The following AGL variants were observed in gnomAD, a reference collection of about 807,000 sequenced individuals.
AGL encodes the protein glycogen debranching enzyme.
AGL carries 128 observed loss-of-function variants against 199.3 expected under a neutral mutation model. The ratio of observed to expected loss-of-function variants is 0.64; its 90% CI spans 0.56 to 0.74. The LOEUF is 0.74. Ranked by LOEUF, AGL falls within the 30% of genes least tolerant of loss-of-function variation. AGL has a pLI of 0.00. For synonymous variants in AGL, 584 were observed against 594.7 expected, an observed-to-expected ratio of 0.98 and a Z score of 0.26; for missense variants, 1,809 against 1,820.8, an observed-to-expected ratio of 0.99 and a Z score of 0.12.
chr1:99,905,277 A>C (rs542508), intron 27 of AGL, among the ~76,000 whole-genome samples: 7,940 of 152,182 alleles, frequency 0.052, 258 homozygotes, highest in African/African-American at 0.08. Flanking sequence ...GCTCACTGCA[A>C]TCTCTGCCTC....
chr1:99,906,082 C>A (rs1216467465), intron 27 of AGL, among the ~76,000 whole-genome samples: 2 of 152,138 alleles, frequency 1.3e-5, no homozygotes, highest in Admixed American at 1.3e-4. Context: ...CAACCATCAT[C>A]ACTGTCCATC....
chr1:99,852,584 C>T (rs1399275352), intron 2 of AGL: 2 of 694,834 alleles, frequency 2.9e-6, no homozygotes, highest in South Asian at 3.0e-5. Context: ...CTATGTTGCC[C>T]AGGTTGATAT....
chr1:99,859,931 A>G (rs1304926091), intron 2 of AGL, among the ~76,000 whole-genome samples: 1 of 152,238 alleles, frequency 6.6e-6, no homozygotes, highest in African/African-American at 2.4e-5. Context: ...GCCAATCATT[A>G]GATATTTAGG....
chr1:99,861,532 A>T lies in AGL; in HGVS notation c.112A>T (p.Thr38Ser), dbSNP rs35278779. The T allele has an allele frequency of 1.9e-6, 3 of 1,614,010 alleles. No individual in the cohort carries two copies. The highest frequency in any genetic ancestry group is 2.5e-6 in the Non-Finnish European group (3 of 1,179,952). ...GYELQFRLGP[T>S]LQGKAVTVYT... ...TGAGCTACAGTTCCGATTAGGCCCA[A>T]CTTTACAGGGAAAAGCAGTTACCGT... is the stretch of plus-strand genomic sequence containing the variant. The change falls in exon 3 of 34, where the codon ACT (threonine) becomes TCT (serine). Residue 38 changes from threonine (T) to serine (S), a missense_variant. Transcript: ENST00000361915.
intron 27 of AGL, among the ~76,000 whole-genome samples, chr1:99,905,372 TTTGTTG>T (rs150259594): frequency 0.15 from 22,342 of 150,936 alleles, 1,684 homozygotes; most frequent in Middle Eastern, 0.17. Context: ...ATTTTTTGTA[TTTGTTG>T]TTGTTGTTGT....
chr1:99,891,411 A>G, intron 22 of AGL, 55 bp downstream of exon 22: 1 of 1,581,760 alleles, frequency 6.3e-7, no homozygotes, highest in Admixed American at 1.7e-5. Flanking sequence ...AATAAATATT[A>G]CCATGTTATA....
intron 5 of AGL, among the ~76,000 whole-genome samples, chr1:99,867,561 T>TC (rs1650625861): frequency 6.6e-6 from 1 of 151,596 alleles, no homozygotes; most frequent in African/African-American, 2.4e-5. Flanking sequence ...TTTTTTTTTC[T>TC]CTTTTTTTTT....
At chr1:99,867,935 A>G (rs1422141150) in intron 5 of AGL, among the ~76,000 whole-genome samples, 3 of 152,186 alleles carry the variant, frequency 2.0e-5, no homozygotes, top group Non-Finnish European at 4.4e-5. Context: ...GGCCAAGAAC[A>G]CTGGGAACCC....
chr1:99,900,968 A>T, intron 26 of AGL, 107 bp downstream of exon 26: 1 of 1,046,440 alleles, frequency 9.6e-7, no homozygotes. Context: ...AAATCTTACG[A>T]ATTATTCAAA....
intron 21 of AGL, among the ~76,000 whole-genome samples, chr1:99,889,942 A>G (rs1013295174): frequency 6.6e-6 from 1 of 152,192 alleles, no homozygotes; most frequent in African/African-American, 2.4e-5. Flanking sequence ...ATTAAATCAG[A>G]TTTAACTACT....
chr1:99,875,409 G>A lies in AGL; in HGVS notation c.1237G>A (p.Gly413Ser), dbSNP rs767865657. ...GTTTTATGAACGACTGGCTGGCCAT[G>A]GTCCAAAACTAGGACCTGTCACTAG... ...NVFYERLAGH[G>S]PKLGPVTRKH... Residue 413 changes from glycine to serine, a missense_variant, in exon 10 of 34, where the codon GGT (glycine) becomes AGT (serine). Gly to Ser is a moderately conservative substitution (Grantham distance 56, BLOSUM62 0). Transcript: ENST00000361915. The A allele has an allele frequency of 6.2e-7, 1 of 1,614,132 alleles. No individual in the cohort carries two copies.
intron 10 of AGL, 72 bp from the exon 11 acceptor site, chr1:99,876,386 T>A: frequency 8.3e-7 from 1 of 1,211,102 alleles, no homozygotes; most frequent in East Asian, 2.6e-5. Flanking sequence ...AGTTTAGTTT[T>A]AATATTGCAA....
intron 27 of AGL, 26 bp from the exon 28 acceptor site, chr1:99,910,681 AATTTT>A (rs1311255887): frequency 1.1e-5 from 15 of 1,351,140 alleles, no homozygotes; most frequent in African/African-American, 8.8e-5. Context: ...ATACTTATAA[AATTTT>A]ATTTTATACA....
At chr1:99,916,361 A>G (rs1655112422) in intron 31 of AGL, 49 bp from the exon 32 acceptor site, 3 of 1,391,760 alleles carry the variant, frequency 2.2e-6, no homozygotes, top group South Asian at 1.2e-5. Flanking sequence ...TGCTTTTTAC[A>G]TAATATCTGA....
intron 7 of AGL, among the ~76,000 whole-genome samples, chr1:99,871,092 A>G (rs891333091): frequency 3.3e-5 from 5 of 152,196 alleles, no homozygotes; most frequent in African/African-American, 1.2e-4. Flanking sequence ...TGGGTACTGT[A>G]TCTTACTGTT....
rs149542747 is a variant in AGL, at chr1:99,853,595, C to T, written c.82+2471C>T. On this transcript the variant is annotated intron_variant, in intron 2 of 33. Coordinates refer to ENST00000361915, the MANE Select transcript of AGL (RefSeq NM_000642.3). Reference sequence around the variant, plus strand: ...ACAGTGTCAGACTAGGGTTTAAAATCTGTGAGAATTGATGAGGGCAGGTGA... The same window carrying T: ...ACAGTGTCAGACTAGGGTTTAAAATTTGTGAGAATTGATGAGGGCAGGTGA... Among the ~76,000 whole-genome samples, 1,232 of 152,290 alleles carry T rather than the reference C, an allele frequency of 8.1e-3. 7 individuals carry two copies. Among genetic ancestry groups the T allele is most frequent in the Non-Finnish European group, 0.014 (978 of 68,024 alleles).
chr1:99,861,975 G>A (rs1196615118), intron 3 of AGL, among the ~76,000 whole-genome samples: 1 of 152,022 alleles, frequency 6.6e-6, no homozygotes, highest in Non-Finnish European at 1.5e-5. Context: ...CTGTTTATTT[G>A]CGTGCCCTTG....
At chr1:99,851,215 T>G (rs934070517) in intron 2 of AGL, 91 bp downstream of exon 2, 1 of 1,154,666 alleles carries the variant, frequency 8.7e-7, no homozygotes. Context: ...AGCTCTAAGA[T>G]AAATATTATT....
At chr1:99,873,839 A>G (rs548545452) in intron 7 of AGL, among the ~76,000 whole-genome samples, 2 of 152,246 alleles carry the variant, frequency 1.3e-5, no homozygotes, top group East Asian at 3.9e-4. Context: ...TAACCACTAC[A>G]CTATGAAACC....
Sources: gnomAD v4.1 joint callset for allele counts (sites outside exome capture counted in the v4.1 genomes callset) on GRCh38, gnomAD v4.1.1 for gene constraint, MANE v1.5 for transcripts, NCBI Gene and HGNC (gene_info 2026-07-23, HGNC 2026-07-21) for gene names.